The following WNT5B variants were observed in gnomAD, a reference collection of about 807,000 sequenced individuals.
WNT5B encodes the protein Wnt family member 5B, also known as protein Wnt-5b.
Under a neutral mutation model 36.5 loss-of-function variants are expected in WNT5B, and 18 were observed. The ratio of observed to expected loss-of-function variants is 0.49; its 90% CI spans 0.34 to 0.73. The LOEUF (loss-of-function observed/expected upper bound fraction) is 0.73. WNT5B is among the 30% of genes least tolerant of loss of function. The probability of loss-of-function intolerance (pLI) is 0.01; values close to 1 mark genes in which losing one functional copy is unlikely to be tolerated. For synonymous variants in WNT5B, 213 were observed against 212.3 expected, an observed-to-expected ratio of 1.00 and a Z score of -0.03; for missense variants, 424 against 508.4, an observed-to-expected ratio of 0.83 and a Z score of 1.60.
chr12:1,639,564 C>T lies in WNT5B; in HGVS notation c.329-120C>T. On this transcript the variant is annotated intron_variant, in intron 3 of 4. Transcript: ENST00000397196. ...CGTTAGAGCTACGGGAAGCGAAGCCCCCTGCCCCAGGGGTGTCAGCAGAGC... is the reference window on the plus strand; with the variant it reads ...CGTTAGAGCTACGGGAAGCGAAGCCTCCTGCCCCAGGGGTGTCAGCAGAGC... The T allele has an allele frequency of 2.6e-6, 3 of 1,162,414 alleles. No individual in the cohort carries two copies. The South Asian group carries it at 5.1e-5, about 20-fold the overall frequency. The allele number at this position is 1,162,414 out of a possible 1,614,324, so 72.0% of individuals were successfully genotyped here.
At chr12:1,629,962 C>T (rs75685500) in intron 1 of WNT5B, 3,633 of 192,882 alleles carry the variant, frequency 0.019, 154 homozygotes, top group African/African-American at 0.082. Flanking sequence ...GATCTGCCCC[C>T]TGCCGGCCCC....
chr12:1,629,793 G>A (rs528399644), intron 1 of WNT5B: 1 of 150,886 alleles, frequency 6.6e-6, no homozygotes, highest in Admixed American at 6.6e-5. Context: ...CGGGGGACGA[G>A]GAGGATTTAT....
chr12:1,617,794 G>A (rs1387124186), intron 1 of WNT5B, among the ~76,000 whole-genome samples: 1 of 152,104 alleles, frequency 6.6e-6, no homozygotes, highest in African/African-American at 2.4e-5. Flanking sequence ...GAACCTGTGT[G>A]CCACCCACCA....
At chr12:1,620,198 C>T (rs2094531990) in intron 1 of WNT5B, among the ~76,000 whole-genome samples, 1 of 152,174 alleles carries the variant, frequency 6.6e-6, no homozygotes, top group Non-Finnish European at 1.5e-5. Context: ...TCCTCGAGCC[C>T]CTTCCTCATC....
At chr12:1,626,174 G>A (rs140746888), upstream of WNT5B, among the ~76,000 whole-genome samples, 453 of 152,114 alleles carry the variant, frequency 3.0e-3, 5 homozygotes, top group African/African-American at 0.01. Flanking sequence ...GCCTAGGCTG[G>A]TCTTGAACTC....
chr12:1,627,525 G>T (rs3809267), upstream of WNT5B, among the ~76,000 whole-genome samples: 2 of 152,112 alleles, frequency 1.3e-5, no homozygotes, highest in African/African-American at 4.8e-5. This position sits in a 1 kb window ranked among gnomAD's most constrained non-coding sequence, Gnocchi z 5.0. Flanking sequence ...TACCTGTCCC[G>T]GTCTCTCTTT....
intron 4 of WNT5B, among the ~76,000 whole-genome samples, chr12:1,643,544 T>C (rs974467534): frequency 6.6e-6 from 1 of 152,066 alleles, no homozygotes; most frequent in African/African-American, 2.4e-5. Flanking sequence ...TTTTGCATTT[T>C]TAGTAGAGAC....
At chr12:1,621,649 C>G (rs1330241138) in intron 1 of WNT5B, among the ~76,000 whole-genome samples, 1 of 151,922 alleles carries the variant, frequency 6.6e-6, no homozygotes, top group African/African-American at 2.4e-5. Context: ...TCCTGTGATC[C>G]TCCCGCTTCA....
chr12:1,623,437 C>T (rs367919262), intron 1 of WNT5B, among the ~76,000 whole-genome samples: 15 of 151,896 alleles, frequency 9.9e-5, no homozygotes, highest in East Asian at 3.9e-4. Context: ...CCTCGTGATC[C>T]GCCCGCCTCG....
chr12:1,641,005 G>C (rs1592536916), intron 4 of WNT5B, among the ~76,000 whole-genome samples: 1 of 152,192 alleles, frequency 6.6e-6, no homozygotes, highest in East Asian at 1.9e-4. Flanking sequence ...TTCTTTCTTG[G>C]AGTGTTGTCC....
At chr12:1,619,289 C>A (rs985477532) in intron 1 of WNT5B, among the ~76,000 whole-genome samples, 2 of 152,078 alleles carry the variant, frequency 1.3e-5, no homozygotes, top group Admixed American at 6.6e-5. Flanking sequence ...TCATTTCTAC[C>A]AACTGTAGAT....
chr12:1,620,981 G>A (rs1379613647), intron 1 of WNT5B, among the ~76,000 whole-genome samples: 1 of 138,596 alleles, frequency 7.2e-6, no homozygotes, highest in Non-Finnish European at 1.5e-5. Context: ...CATTACAGGT[G>A]TGAGCCACCG....
rs144347142 is a variant in WNT5B at position 1,646,349 on chromosome 12, T to C, written c.*97T>C. 4.2e-5 allele frequency: 44 copies of C among 1,039,646 alleles called. No individual in the cohort carries two copies. The East Asian group carries it at 1.3e-3, about 30-fold the overall frequency. 64.4% of individuals were successfully genotyped at this position (1,039,646 alleles called of 1,614,324 possible). On this transcript the variant is annotated 3_prime_UTR_variant, in exon 5 of 5. Coordinates refer to ENST00000397196, the MANE Select transcript of WNT5B (RefSeq NM_032642.3). The stretch of plus-strand genomic sequence containing the variant: ...TCTATTTTATATTTGTATAAGTAAA[T>C]GGGTGGGTGCTATACAATGGAAAGA...
rs1285517002 is a variant in WNT5B at position 1,630,834 on chromosome 12, C to T, written c.-57-464C>T. ...ATCCAATTCACCAAAATGTTTTAAT[C>T]CTACAAAGGAGAGCCTGAGGGTCAG... On this transcript the variant is annotated intron_variant, in intron 1 of 4. Transcript: ENST00000397196. The surrounding 1 kb of genome is among the most constrained non-coding windows in gnomAD (Gnocchi z 5.3). 1.3e-5 allele frequency: 2 copies of T among 153,034 alleles called. No individual in the cohort carries two copies. Among genetic ancestry groups the T allele is most frequent in the African/African-American group, 4.8e-5 (2 of 41,428 alleles). The allele number at this position is 153,034 out of a possible 1,614,324, so 9.5% of individuals were successfully genotyped here.
At chr12:1,642,108 C>A (rs1040353967) in intron 4 of WNT5B, among the ~76,000 whole-genome samples, 1 of 152,162 alleles carries the variant, frequency 6.6e-6, no homozygotes, top group African/African-American at 2.4e-5. Flanking sequence ...AATTGCTGAT[C>A]TGTGATTATG....
upstream of WNT5B, among the ~76,000 whole-genome samples, chr12:1,628,888 A>T (rs956862862): frequency 5.9e-5 from 9 of 151,388 alleles, no homozygotes; most frequent in African/African-American, 2.2e-4. Flanking sequence ...CTGCCAGGAC[A>T]GAGAGCGTCC....
intron 3 of WNT5B, among the ~76,000 whole-genome samples, chr12:1,634,156 G>C (rs186138627): frequency 1.3e-5 from 2 of 152,312 alleles, no homozygotes; most frequent in East Asian, 3.9e-4. Flanking sequence ...TGCATAAAAG[G>C]AAGGTCCTAG....
chr12:1,619,280 C>T (rs2094530749), intron 1 of WNT5B, among the ~76,000 whole-genome samples: 1 of 152,120 alleles, frequency 6.6e-6, no homozygotes, highest in Admixed American at 6.6e-5. Context: ...TTTTTATTTT[C>T]ATTTCTACCA....
At chr12:1,619,054 A>G (rs2094530404) in intron 1 of WNT5B, among the ~76,000 whole-genome samples, 1 of 152,120 alleles carries the variant, frequency 6.6e-6, no homozygotes, top group Admixed American at 6.6e-5. Flanking sequence ...AGGGTAGTTT[A>G]GCATTTTTCT....
Sources: allele counts gnomAD v4.1 joint callset (sites outside exome capture counted in the v4.1 genomes callset), GRCh38; gene constraint gnomAD v4.1.1; non-coding constraint Gnocchi (gnomAD v3.1); transcripts MANE v1.5; gene names NCBI Gene and HGNC (gene_info 2026-07-23, HGNC 2026-07-21).